The following PEPD variants were observed in gnomAD, a reference collection of about 807,000 sequenced individuals.
PEPD encodes xaa-Pro dipeptidase.
In PEPD, 53 loss-of-function variants were observed where a neutral mutation model predicts 60.7. The observed-to-expected ratio is 0.87, with a 90% CI of 0.70 to 1.10. The LOEUF (loss-of-function observed/expected upper bound fraction) is 1.10. PEPD is among the 50% of genes least tolerant of loss of function. The pLI is 0.00. For synonymous variants in PEPD, 267 were observed against 284.1 expected, an observed-to-expected ratio of 0.94 and a Z score of 0.60; for missense variants, 711 against 711.9, an observed-to-expected ratio of 1.00 and a Z score of 0.01.
chr19:33,485,491 T>TAAAAAAAAAAAAAAAAAAAAAAA (rs908651690), intron 6 of PEPD, among the ~76,000 whole-genome samples: 16 of 110,940 alleles, frequency 1.4e-4, no homozygotes, highest in African/African-American at 5.1e-4. Flanking sequence ...AGACTCTGTC[T>TAAAAAAAAAAAAAAAAAAAAAAA]AAAAAAAAAA....
intron 9 of PEPD, among the ~76,000 whole-genome samples, chr19:33,424,026 G>A (rs747179366): frequency 4.7e-4 from 71 of 152,190 alleles, no homozygotes; most frequent in Non-Finnish European, 9.6e-4. Flanking sequence ...TTGTGCGCTG[G>A]CTTGGAGCAC....
At chr19:33,514,826 T>C (rs1334205158) in intron 1 of PEPD, among the ~76,000 whole-genome samples, 1 of 151,972 alleles carries the variant, frequency 6.6e-6, no homozygotes, top group Non-Finnish European at 1.5e-5. Context: ...GGTTCCCCAC[T>C]CTTCTTTCCA....
At chr19:33,484,690 A>T (rs1308977382) in intron 6 of PEPD, among the ~76,000 whole-genome samples, 1 of 152,156 alleles carries the variant, frequency 6.6e-6, no homozygotes, top group Non-Finnish European at 1.5e-5. Context: ...TAAGACACAC[A>T]AAAAGATCCA....
At chr19:33,432,010 A>AAAAAAAAAC (rs1031542443) in intron 9 of PEPD, among the ~76,000 whole-genome samples, 1 of 147,516 alleles carries the variant, frequency 6.8e-6, no homozygotes, top group African/African-American at 2.6e-5. Context: ...AAAAAAAAAA[A>AAAAAAAAAC]GGGAAGATTA....
chr19:33,466,832 G>A (rs1970027509), intron 7 of PEPD, among the ~76,000 whole-genome samples: 1 of 151,816 alleles, frequency 6.6e-6, no homozygotes, highest in Admixed American at 6.6e-5. Context: ...CTAAAATATG[G>A]AGTGATTTTG....
chr19:33,505,672 A>ACACCC (rs1421455121), intron 3 of PEPD, among the ~76,000 whole-genome samples: 1 of 151,240 alleles, frequency 6.6e-6, no homozygotes, highest in Non-Finnish European at 1.5e-5. Flanking sequence ...AACACACAAC[A>ACACCC]CACCCTCATC....
intron 6 of PEPD, among the ~76,000 whole-genome samples, chr19:33,486,657 G>T (rs980817797): frequency 2.6e-5 from 4 of 152,164 alleles, no homozygotes; most frequent in Non-Finnish European, 5.9e-5. Flanking sequence ...GCCTGGCCCT[G>T]ATCTGGGGAG....
rs527835162 is a variant in PEPD at position 33,425,938 on chromosome 19, T to C, written c.672-12295A>G. ...AATCCTCCTGCCTCAGCCTCCTGAG[T>C]AGCTAGGACTACTGGTGTGCACAAC... On this transcript the variant is annotated intron_variant, in intron 9 of 14. Transcript: ENST00000244137. Among the ~76,000 whole-genome samples the C allele has an allele frequency of 2.6e-5, 4 of 152,300 alleles. No individual in the cohort carries two copies. The South Asian group carries it at 8.3e-4, about 32-fold the overall frequency.
At chr19:33,504,938 T>C (rs1166594445) in intron 3 of PEPD, among the ~76,000 whole-genome samples, 2 of 152,046 alleles carry the variant, frequency 1.3e-5, no homozygotes, top group Admixed American at 1.3e-4. Context: ...GGGACCCCAG[T>C]TGGGCCCTGG....
chr19:33,422,531 C>T (rs1969042038), intron 9 of PEPD, among the ~76,000 whole-genome samples: 1 of 151,656 alleles, frequency 6.6e-6, no homozygotes, highest in African/African-American at 2.4e-5. Flanking sequence ...ATTTACTTAC[C>T]TATCATCCAT....
intron 9 of PEPD, among the ~76,000 whole-genome samples, chr19:33,457,230 T>C (rs1969820133): frequency 6.6e-6 from 1 of 151,984 alleles, no homozygotes. Context: ...TCTGGAGTTC[T>C]AGACCAGCCT....
At chr19:33,405,288 C>T (rs1052940234) in intron 11 of PEPD, among the ~76,000 whole-genome samples, 17 of 152,216 alleles carry the variant, frequency 1.1e-4, no homozygotes, top group African/African-American at 3.6e-4. Context: ...CGGCCAGTGA[C>T]GGAAGGCTTG....
intron 9 of PEPD, among the ~76,000 whole-genome samples, chr19:33,426,974 G>A (rs1969165475): frequency 6.6e-6 from 1 of 152,242 alleles, no homozygotes; most frequent in Non-Finnish European, 1.5e-5. Context: ...ACCGCGTGCG[G>A]CTGTGTTTTA....
intron 1 of PEPD, among the ~76,000 whole-genome samples, chr19:33,519,892 C>T (rs936993914): frequency 6.6e-6 from 1 of 152,006 alleles, no homozygotes; most frequent in Non-Finnish European, 1.5e-5. Flanking sequence ...ATGGTGAAAC[C>T]CCATCTCCAC....
chr19:33,413,731 C>T (rs568708032), intron 9 of PEPD, 88 bp from the exon 10 acceptor site: 8 of 790,252 alleles, frequency 1.0e-5, no homozygotes, highest in Admixed American at 2.0e-5. Flanking sequence ...GGAAGGCCCT[C>T]GGCCCATGGT....
chr19:33,502,871 T>G (rs1970736631), intron 3 of PEPD, among the ~76,000 whole-genome samples: 1 of 150,592 alleles, frequency 6.6e-6, no homozygotes, highest in African/African-American at 2.4e-5. Flanking sequence ...CTTTCCTTTG[T>G]GTGTTTTGTC....
chr19:33,486,511 C>T (rs1369742282), intron 6 of PEPD, among the ~76,000 whole-genome samples: 2 of 152,126 alleles, frequency 1.3e-5, no homozygotes, highest in African/African-American at 2.4e-5. Flanking sequence ...GCCCAGGGGC[C>T]TCAGTCCACA....
intron 4 of PEPD, among the ~76,000 whole-genome samples, chr19:33,496,834 A>ACT (rs200414662): frequency 6.6e-6 from 1 of 152,196 alleles, no homozygotes; most frequent in Non-Finnish European, 1.5e-5. Flanking sequence ...GGGGACAATC[A>ACT]GAGGCTTCCC....
intron 6 of PEPD, among the ~76,000 whole-genome samples, chr19:33,482,148 A>C (rs1970323225): frequency 6.6e-6 from 1 of 152,214 alleles, no homozygotes; most frequent in Non-Finnish European, 1.5e-5. Context: ...ACAAAATTAC[A>C]CACCCAAATT....
Sources: allele counts gnomAD v4.1 joint callset (sites outside exome capture counted in the v4.1 genomes callset), GRCh38; gene constraint gnomAD v4.1.1; transcripts MANE v1.5; gene names NCBI Gene and HGNC (gene_info 2026-07-23, HGNC 2026-07-21).